SCAMP1: variants seen among roughly 807,000 people sequenced by gnomAD.
SCAMP1 encodes the protein secretory carrier-associated membrane protein 1.
Under a neutral mutation model 41.8 loss-of-function variants are expected in SCAMP1, and 15 were observed. The observed-to-expected ratio is 0.36, with a 90% CI of 0.24 to 0.55. SCAMP1 has a LOEUF of 0.55. SCAMP1 is among the 20% of genes least tolerant of loss of function. The pLI, the probability that SCAMP1 is intolerant of heterozygous loss-of-function variation, is 0.86. For synonymous variants in SCAMP1, 135 were observed against 136.8 expected (o/e 0.99, Z 0.09); for missense variants, 341 against 412.6 (o/e 0.83, Z 1.50).
chr5:78,409,453 A>T (rs181419392), intron 2 of SCAMP1, among the ~76,000 whole-genome samples: 3 of 144,936 alleles, frequency 2.1e-5, no homozygotes, highest in African/African-American at 7.5e-5. Flanking sequence ...ACACACGCAT[A>T]CACGCTCATC....
chr5:78,439,396 G>C (rs1053670121), intron 6 of SCAMP1, among the ~76,000 whole-genome samples: 1 of 152,164 alleles, frequency 6.6e-6, no homozygotes, highest in Non-Finnish European at 1.5e-5. Flanking sequence ...AGGAGCTCTT[G>C]TAAGGCAGGC....
At chr5:78,439,574 C>T (rs867781623) in intron 6 of SCAMP1, among the ~76,000 whole-genome samples, 3 of 152,082 alleles carry the variant, frequency 2.0e-5, no homozygotes, top group Admixed American at 6.6e-5. Context: ...GGGTTTTTGC[C>T]GAGAGATCTG....
chr5:78,459,318 C>G lies in SCAMP1; in HGVS notation c.808C>G (p.Leu270Val). The change falls in exon 8 of 9, where the codon CTT (leucine) becomes GTT (valine). Residue 270 changes from leucine (L) to valine (V), a missense_variant. Leu to Val is a conservative substitution (Grantham distance 32, BLOSUM62 1). Coordinates refer to ENST00000621999, the MANE Select transcript of SCAMP1 (RefSeq NM_004866.6). The stretch of plus-strand genomic sequence containing the variant: ...AATCATGATGATAATCATAGCAGCA[C>G]TTTTCACAGCATCAGCAGTCATCTC... ...VGIMMIIIAA[L>V]FTASAVISLV... is the part of the protein sequence containing the mutation. 6.2e-7 allele frequency: 1 copy of G among 1,606,924 alleles called. No homozygotes were observed. Among genetic ancestry groups the G allele is most frequent in the Non-Finnish European group, 8.5e-7 (1 of 1,174,132 alleles).
At chr5:78,423,674 C>CTT (rs71613954) in intron 6 of SCAMP1, among the ~76,000 whole-genome samples, 35,059 of 149,228 alleles carry the variant, frequency 0.23, 4,767 homozygotes, top group Non-Finnish European at 0.31. Context: ...CACTTGGTAT[C>CTT]TTTTTTTTTT....
At chr5:78,360,830 T>G in intron 1 of SCAMP1, 102 bp downstream of exon 1, 1 of 1,212,510 alleles carries the variant, frequency 8.2e-7, no homozygotes, top group Non-Finnish European at 1.2e-6. Context: ...CGGCTCCCCT[T>G]AGCAGCCCAG....
intron 7 of SCAMP1, among the ~76,000 whole-genome samples, chr5:78,456,985 G>C (rs1753424391): frequency 7.5e-6 from 1 of 133,220 alleles, no homozygotes; most frequent in Non-Finnish European, 1.6e-5. Flanking sequence ...ATGGGCTCCT[G>C]AGGCTTCTGC....
At chr5:78,414,288 A>G (rs1397288261) in intron 2 of SCAMP1, among the ~76,000 whole-genome samples, 3 of 151,298 alleles carry the variant, frequency 2.0e-5, no homozygotes, top group Admixed American at 1.3e-4. Flanking sequence ...TTTTATTATT[A>G]TTATTATTTT....
chr5:78,387,402 C>T (rs1456645350), intron 1 of SCAMP1, among the ~76,000 whole-genome samples: 2 of 144,596 alleles, frequency 1.4e-5, no homozygotes, highest in Non-Finnish European at 3.0e-5. Context: ...TGGCCTTTAC[C>T]TTTCTCTGGT....
rs908554803 is a variant in SCAMP1 at position 78,389,572 on chromosome 5, A to G, written c.135+658A>G. Among the ~76,000 whole-genome samples the G allele has an allele frequency of 2.0e-5, 3 of 152,088 alleles. No homozygotes were observed. The East Asian group carries it at 5.8e-4, about 29-fold the overall frequency. On this transcript the variant is annotated intron_variant, in intron 2 of 8. Transcript: ENST00000621999. ...ATGTGAGCCGTGGCGCCTGGCCTCA[A>G]AATTTAGTTTTGATTTATAAAATGT...
At chr5:78,390,657 C>CTTT (rs1003765684) in intron 2 of SCAMP1, among the ~76,000 whole-genome samples, 1 of 137,478 alleles carries the variant, frequency 7.3e-6, no homozygotes. Context: ...ATTTTTTTTT[C>CTTT]TTTTTTTTTT....
chr5:78,475,484 A>C lies in SCAMP1; in HGVS notation c.853-20A>C, dbSNP rs1461745147. On this transcript the variant is annotated intron_variant, in intron 8 of 8. Coordinates refer to ENST00000621999, the MANE Select transcript of SCAMP1 (RefSeq NM_004866.6). ...CGTAGGTTGCTACTTACCTTCTCCC[A>C]CTTTTTTGTGCCTCTGTAGGTACAT... 11 of 1,542,078 alleles carry C rather than the reference A, an allele frequency of 7.1e-6. No homozygotes were observed. The highest frequency in any genetic ancestry group is 2.8e-5 in the African/African-American group (2 of 72,228).
intron 1 of SCAMP1, 159 bp downstream of exon 1, chr5:78,360,887 C>T (rs1456180773): frequency 4.4e-6 from 3 of 679,512 alleles, no homozygotes; most frequent in African/African-American, 3.7e-5. Flanking sequence ...GCGCCCCGGC[C>T]CCGTGTCACT....
chr5:78,454,783 A>G (rs1469162892), intron 7 of SCAMP1, among the ~76,000 whole-genome samples: 14 of 152,154 alleles, frequency 9.2e-5, no homozygotes, highest in African/African-American at 3.1e-4. Flanking sequence ...TGTACCTCTG[A>G]TCGAATTCGG....
chr5:78,387,142 C>T (rs1038941292), intron 1 of SCAMP1, among the ~76,000 whole-genome samples: 2 of 151,986 alleles, frequency 1.3e-5, no homozygotes. Flanking sequence ...AGACTTTTTT[C>T]ATTTTTTAAA....
At chr5:78,467,811 A>T (rs1753783065) in intron 8 of SCAMP1, among the ~76,000 whole-genome samples, 1 of 152,218 alleles carries the variant, frequency 6.6e-6, no homozygotes, top group Non-Finnish European at 1.5e-5. Context: ...CTCTTGCTGT[A>T]ATAGAAATTA....
chr5:78,361,695 G>C (rs1750657576), intron 1 of SCAMP1, among the ~76,000 whole-genome samples: 1 of 152,208 alleles, frequency 6.6e-6, no homozygotes, highest in Non-Finnish European at 1.5e-5. Flanking sequence ...CGTGTAATTT[G>C]TTTCCAACTG....
intron 2 of SCAMP1, among the ~76,000 whole-genome samples, chr5:78,397,152 A>G (rs1751673206): frequency 1.3e-5 from 2 of 152,234 alleles, no homozygotes; most frequent in African/African-American, 4.8e-5. Flanking sequence ...AAATCAGTGG[A>G]ATAGAACTGA....
rs1751761841 is a variant in SCAMP1, at chr5:78,400,163, A to C, written c.135+11249A>C. Among the ~76,000 whole-genome samples the C allele has an allele frequency of 1.3e-5, 2 of 152,180 alleles. 1 individual carries two copies. The highest frequency in any genetic ancestry group is 4.1e-4 in the South Asian group (2 of 4,828). On this transcript the variant is annotated intron_variant, in intron 2 of 8. Transcript: ENST00000621999. ...TTGTACTGCCTTTGCTCAGTTGTCAAAGATCAGTTGACTGTAGTTATGTGG... is the reference window on the plus strand; with the variant it reads ...TTGTACTGCCTTTGCTCAGTTGTCACAGATCAGTTGACTGTAGTTATGTGG...
intron 1 of SCAMP1, among the ~76,000 whole-genome samples, chr5:78,384,617 A>G (rs1580652734): frequency 6.6e-6 from 1 of 152,134 alleles, no homozygotes; most frequent in Middle Eastern, 3.4e-3. Flanking sequence ...TTATTACCTT[A>G]AGGTATGTCC....
Sources: gnomAD v4.1 joint callset for allele counts (sites outside exome capture counted in the v4.1 genomes callset) on GRCh38, gnomAD v4.1.1 for gene constraint, MANE v1.5 for transcripts, NCBI Gene and HGNC (gene_info 2026-07-23, HGNC 2026-07-21) for gene names.